The following CEP112 variants were observed in gnomAD, a reference collection of about 807,000 sequenced individuals.
The protein encoded by CEP112 is centrosomal protein of 112 kDa.
A neutral mutation model predicts 153.0 loss-of-function variants in CEP112; 127 were observed. The observed-to-expected ratio is 0.83, with a 90% CI of 0.72 to 0.96. The LOEUF is 0.96. CEP112 is among the 40% of genes least tolerant of loss of function. The pLI, the probability that CEP112 is intolerant of heterozygous loss-of-function variation, is 0.00. For missense variants in CEP112, 1,089 were observed against 1,101.2 expected (o/e 0.99, Z 0.16); for synonymous variants, 358 against 374.4 (o/e 0.96, Z 0.51).
intron 23 of CEP112, among the ~76,000 whole-genome samples, chr17:65,742,671 A>C (rs1175441248): frequency 6.6e-6 from 1 of 151,974 alleles, no homozygotes; most frequent in Admixed American, 6.5e-5. Flanking sequence ...ATGCGAATAC[A>C]TAATGAAAGG....
intron 21 of CEP112, among the ~76,000 whole-genome samples, chr17:65,847,090 A>G (rs1489767885): frequency 2.0e-5 from 3 of 152,220 alleles, no homozygotes; most frequent in African/African-American, 4.8e-5. Flanking sequence ...CAACTGGACA[A>G]AAACCGAACT....
intron 4 of CEP112, among the ~76,000 whole-genome samples, chr17:66,162,170 C>A (rs2071740407): frequency 6.6e-6 from 1 of 152,026 alleles, no homozygotes; most frequent in Admixed American, 6.6e-5. Context: ...TAAAAAAGAT[C>A]AAAGACTCAA....
rs1403518852 is a variant in CEP112, at chr17:66,086,405, T to C, written c.768+9846A>G. Among the ~76,000 whole-genome samples the C allele has an allele frequency of 2.2e-4, 5 of 23,248 alleles. 1 individual carries two copies. Among genetic ancestry groups the C allele is most frequent in the Admixed American group, 3.4e-4 (1 of 2,962 alleles). The allele number at this position is 23,248 out of a possible 152,430, so 15.3% of individuals were successfully genotyped here. On this transcript the variant is annotated intron_variant, in intron 8 of 26. Coordinates refer to ENST00000535342, the MANE Select transcript of CEP112 (RefSeq NM_001199165.4). ...CTTTTTTTTTTTTTTTTTTTTTTTTTTTTTTTTTTTTTTTTTGAGAAGGAG... is the reference window on the plus strand; with the variant it reads ...CTTTTTTTTTTTTTTTTTTTTTTTTCTTTTTTTTTTTTTTTTGAGAAGGAG...
At chr17:65,669,830 G>C (rs998717176) in intron 24 of CEP112, among the ~76,000 whole-genome samples, 2 of 151,954 alleles carry the variant, frequency 1.3e-5, no homozygotes, top group East Asian at 3.9e-4. Flanking sequence ...GTGAACCCGG[G>C]AGGCGGAGGT....
At chr17:65,881,330 T>C (rs1364788049) in intron 20 of CEP112, among the ~76,000 whole-genome samples, 3 of 152,036 alleles carry the variant, frequency 2.0e-5, no homozygotes, top group Non-Finnish European at 4.4e-5. Context: ...AATTTTTCCT[T>C]TTTCATCATT....
At chr17:65,717,108 T>C (rs927484034) in intron 23 of CEP112, among the ~76,000 whole-genome samples, 3 of 152,240 alleles carry the variant, frequency 2.0e-5, no homozygotes, top group African/African-American at 7.2e-5. Flanking sequence ...TTAAAATTCC[T>C]AGAAAAATGC....
intron 4 of CEP112, among the ~76,000 whole-genome samples, chr17:66,141,862 T>C (rs924099823): frequency 6.6e-6 from 1 of 152,200 alleles, no homozygotes; most frequent in East Asian, 1.9e-4. Context: ...AGACAGCTTT[T>C]TGAGATCCTG....
intron 17 of CEP112, among the ~76,000 whole-genome samples, chr17:65,991,556 A>G (rs1014088237): frequency 6.6e-6 from 1 of 152,174 alleles, no homozygotes; most frequent in Admixed American, 6.5e-5. Flanking sequence ...CTGGTAGAAT[A>G]GTATTTAGAA....
intron 18 of CEP112, among the ~76,000 whole-genome samples, chr17:65,936,403 A>G (rs2061308266): frequency 1.3e-5 from 2 of 152,208 alleles, no homozygotes; most frequent in Admixed American, 1.3e-4. Context: ...TAGAGGGAAT[A>G]TTTCCAAACT....
At chr17:65,758,746 AAG>A (rs2052433200) in intron 21 of CEP112, among the ~76,000 whole-genome samples, 1 of 152,214 alleles carries the variant, frequency 6.6e-6, no homozygotes, top group Admixed American at 6.5e-5. Context: ...TTTAGGCTGA[AAG>A]AAAGCAAGAA....
intron 21 of CEP112, among the ~76,000 whole-genome samples, chr17:65,838,797 C>T (rs1685726081): frequency 6.6e-6 from 1 of 151,578 alleles, no homozygotes; most frequent in Non-Finnish European, 1.5e-5. Flanking sequence ...ATAAATAAAA[C>T]CAGAAATAAA....
intron 4 of CEP112, among the ~76,000 whole-genome samples, chr17:66,156,614 G>T (rs1464431261): frequency 6.6e-6 from 1 of 152,120 alleles, no homozygotes; most frequent in African/African-American, 2.4e-5. Context: ...CTAACCCAAT[G>T]CAAGGAAGCT....
intron 21 of CEP112, among the ~76,000 whole-genome samples, chr17:65,757,948 C>T (rs904010334): frequency 6.6e-6 from 1 of 152,112 alleles, no homozygotes. Flanking sequence ...TTTTAAACAA[C>T]TACCAGCAGC....
intron 7 of CEP112, 40 bp from the exon 8 acceptor site, chr17:66,096,368 C>A (rs377290505): frequency 6.4e-7 from 1 of 1,570,040 alleles, no homozygotes; most frequent in Non-Finnish European, 8.8e-7. Context: ...GTTTTCAGAT[C>A]TGGTTTATCC....
At chr17:66,016,520 T>G (rs977870946) in intron 16 of CEP112, among the ~76,000 whole-genome samples, 1 of 152,190 alleles carries the variant, frequency 6.6e-6, no homozygotes, top group Non-Finnish European at 1.5e-5. Flanking sequence ...AGCCACAGCC[T>G]GCTTCACTGG....
chr17:66,027,678 C>G (rs2065274146), intron 15 of CEP112, 118 bp from the exon 16 acceptor site: 1 of 777,482 alleles, frequency 1.3e-6, no homozygotes, highest in South Asian at 2.2e-5. Context: ...CAGAGTTTTG[C>G]ATATGATTAA....
rs747168333 is a variant in CEP112 at position 66,082,886 on chromosome 17, A to G, written c.769-12885T>C. ...AATATTAATTAGTAAATTAGGTTAA[A>G]TAACCATTAATTCTATTAGTAATTT... On this transcript the variant is annotated intron_variant, in intron 8 of 26. Transcript: ENST00000535342. Among the ~76,000 whole-genome samples, 3 of 151,942 alleles carry G rather than the reference A, an allele frequency of 2.0e-5. No homozygotes were observed. In the East Asian group the frequency reaches 5.8e-4, roughly 29 times the overall value.
intron 16 of CEP112, among the ~76,000 whole-genome samples, chr17:66,025,346 T>G (rs72838533): frequency 0.51 from 77,785 of 151,400 alleles, 20,839 homozygotes; most frequent in African/African-American, 0.59. Flanking sequence ...AAGACAACCG[T>G]AAGAATAGGA....
intron 4 of CEP112, among the ~76,000 whole-genome samples, chr17:66,161,702 G>C (rs1185689784): frequency 6.6e-6 from 1 of 152,054 alleles, no homozygotes; most frequent in Non-Finnish European, 1.5e-5. Flanking sequence ...GGCTAGGGGA[G>C]GGATAGCACT....
Sources: allele counts gnomAD v4.1 joint callset (sites outside exome capture counted in the v4.1 genomes callset), GRCh38; gene constraint gnomAD v4.1.1; transcripts MANE v1.5; gene names NCBI Gene and HGNC (gene_info 2026-07-23, HGNC 2026-07-21).